The following DPAGT1 variants were observed in gnomAD, a reference collection of about 807,000 sequenced individuals.
DPAGT1 encodes dolichyl-phosphate N-acetylglucosaminephosphotransferase 1, also known as UDP-N-acetylglucosamine--dolichyl-phosphate N-acetylglucosaminephosphotransferase.
A neutral mutation model predicts 39.3 loss-of-function variants in DPAGT1; 25 were observed. The observed-to-expected ratio is 0.64, with a 90% CI of 0.46 to 0.89. The LOEUF (loss-of-function observed/expected upper bound fraction) is 0.89. DPAGT1 is among the 40% of genes least tolerant of loss of function. The pLI is 0.00. For missense variants in DPAGT1, 381 were observed against 500.6 expected (o/e 0.76, Z 2.28); for synonymous variants, 193 against 201.4 (o/e 0.96, Z 0.36).
At chr11:119,101,192 T>C in intron 1 of DPAGT1, 54 bp from the exon 2 acceptor site, 1 of 1,611,388 alleles carries the variant, frequency 6.2e-7, no homozygotes, top group Non-Finnish European at 8.5e-7. Flanking sequence ...GCGTGGTCAC[T>C]CACTAGTGCA....
chr11:119,094,774 C>CG, downstream of DPAGT1: 1 of 607,798 alleles, frequency 1.6e-6, no homozygotes, highest in Non-Finnish European at 2.7e-6. Flanking sequence ...GGGACGGGAG[C>CG]GGGGGCGGGC....
rs1156424752 is a variant in DPAGT1 at position 119,101,113 on chromosome 11, C to T, written c.187G>A (p.Gly63Ser). 6.2e-7 allele frequency: 1 copy of T among 1,614,104 alleles called. No homozygotes were observed. Residue 63 changes from glycine to serine, a missense_variant, in exon 2 of 9, where the codon GGT (glycine) becomes AGT (serine). Physicochemically the swap from Gly to Ser is moderately conservative, Grantham distance 56. Transcript: ENST00000354202. ...QIPESQGVISGAVFLIILFCF... is the reference protein window; with the variant it reads ...QIPESQGVISSAVFLIILFCF... Reference sequence around the variant, plus strand: ...AAGAGGATGATAAGGAAAACAGCACCGCTGATCACTCCCTGGGATTCTGGG... The same window carrying T: ...AAGAGGATGATAAGGAAAACAGCACTGCTGATCACTCCCTGGGATTCTGGG...
downstream of DPAGT1, among the ~76,000 whole-genome samples, chr11:119,095,931 A>C (rs1946384588): frequency 6.6e-6 from 1 of 152,104 alleles, no homozygotes; most frequent in African/African-American, 2.4e-5. Context: ...AAAGTGAAGA[A>C]ATTAGACCCC....
Position 119,097,513 on chromosome 11 carries a change from G to A in DPAGT1, c.956C>T (p.Ser319Phe), listed in dbSNP as rs2134899369. The change falls in exon 7 of 9, where the codon TCC becomes TTC. Residue 319 changes from serine to phenylalanine, a missense_variant. Physicochemically the swap from Ser to Phe is radical, Grantham distance 155 (BLOSUM62 -2). Coordinates refer to ENST00000354202, the MANE Select transcript of DPAGT1 (RefSeq NM_001382.4). The surrounding 1 kb of genome is among the most constrained non-coding windows in gnomAD (Gnocchi z 4.6). The stretch of plus-strand genomic sequence containing the variant: ...AGAGAGGCTCTTGGTCTTGAACTTG[G>A]AATAGCTCATCTCCAGTTTGCCTGT... Reference protein sequence around the residue: ...IKTGKLEMSYSKFKTKSLSFL... With the variant: ...IKTGKLEMSYFKFKTKSLSFL... 6.2e-7 allele frequency: 1 copy of A among 1,614,132 alleles called. No homozygotes were observed. The highest frequency in any genetic ancestry group is 8.5e-7 in the Non-Finnish European group (1 of 1,180,028).
downstream of DPAGT1, chr11:119,095,332 G>A (rs770845888): frequency 1.0e-5 from 16 of 1,601,256 alleles, no homozygotes; most frequent in Admixed American, 2.4e-4. Flanking sequence ...GGAGGCCGGC[G>A]CGCGACGAGC....
rs1224875937 is a variant in DPAGT1 at position 119,101,088 on chromosome 11, A to C, written c.212T>G (p.Phe71Cys). ...CAGGAAGGGGAAAGGGATGAAGCAG[A>C]AGAGGATGATAAGGAAAACAGCACC... Reference protein sequence around the residue: ...ISGAVFLIILFCFIPFPFLNC... With the variant: ...ISGAVFLIILCCFIPFPFLNC... Residue 71 changes from phenylalanine to cysteine, a missense_variant, in exon 2 of 9, where the codon TTC becomes TGC. Transcript: ENST00000354202. 1 of 1,614,060 alleles carries C rather than the reference A, an allele frequency of 6.2e-7. No individual in the cohort carries two copies. Among genetic ancestry groups the C allele is most frequent in the Non-Finnish European group, 8.5e-7 (1 of 1,180,048 alleles).
At position 119,101,096 on chromosome 11, in the gene DPAGT1, G is replaced by T; in HGVS notation, c.204C>A (p.Ile68=). 1.2e-6 allele frequency: 2 copies of T among 1,614,202 alleles called. No individual in the cohort carries two copies. Among genetic ancestry groups the T allele is most frequent in the Non-Finnish European group, 1.7e-6 (2 of 1,180,050 alleles). Reference sequence around the variant, plus strand: ...GGAAAGGGATGAAGCAGAAGAGGATGATAAGGAAAACAGCACCGCTGATCA... The same window carrying T: ...GGAAAGGGATGAAGCAGAAGAGGATTATAAGGAAAACAGCACCGCTGATCA... The part of the protein sequence containing the change: ...QGVISGAVFL[I]ILFCFIPFPF... Residue 68 remains isoleucine (I), a synonymous_variant, in exon 2 of 9, where the codon ATC becomes ATA. Transcript: ENST00000354202.
downstream of DPAGT1, chr11:119,095,148 G>A: frequency 6.2e-7 from 1 of 1,614,046 alleles, no homozygotes; most frequent in Non-Finnish European, 8.5e-7. Flanking sequence ...AGCTGCAGGT[G>A]GCGGGGGATG....
At position 119,097,324 on chromosome 11, in the gene DPAGT1, C is replaced by G. The variant is rs776863215; in HGVS notation, c.1006-27G>C. 3.7e-6 allele frequency: 6 copies of G among 1,614,110 alleles called. No individual in the cohort carries two copies. ...TGGAGGGACCAGAGGTGAAGAGAAC[C>G]TCAGCTAATACCTATGCTTTAGGAA... On this transcript the variant is annotated intron_variant, in intron 7 of 8. Transcript: ENST00000354202. This position sits in a 1 kb window ranked among gnomAD's most constrained non-coding sequence, Gnocchi z 4.6.
chr11:119,094,798 C>G (rs1946362280), downstream of DPAGT1: 3 of 738,484 alleles, frequency 4.1e-6, no homozygotes, highest in Non-Finnish European at 2.1e-6. Context: ...GACTCGAGGC[C>G]GGGCGGCGAA....
At chr11:119,098,296 A>G (rs781313727) in intron 5 of DPAGT1, 107 bp downstream of exon 5, 27 of 1,307,620 alleles carry the variant, frequency 2.1e-5, no homozygotes, top group Non-Finnish European at 2.8e-5. Flanking sequence ...AGAAAACTCC[A>G]TAGAGGTATG....
intron 4 of DPAGT1, among the ~76,000 whole-genome samples, chr11:119,099,059 G>A (rs148216208): frequency 3.3e-5 from 5 of 152,164 alleles, no homozygotes; most frequent in African/African-American, 4.8e-5. Flanking sequence ...TTGTAGTAGC[G>A]TTTGTTTTGG....
chr11:119,094,811 C>T, downstream of DPAGT1: 1 of 809,624 alleles, frequency 1.2e-6, no homozygotes, highest in Non-Finnish European at 1.8e-6. Flanking sequence ...GCGGCGAAGG[C>T]GGGCGAGGGG....
chr11:119,094,749 C>T, downstream of DPAGT1: 1 of 525,448 alleles, frequency 1.9e-6, no homozygotes, highest in Non-Finnish European at 3.2e-6. Context: ...CCGAGGCCGA[C>T]GCGGCAGGCG....
chr11:119,094,481 G>C (rs1386234897), downstream of DPAGT1: 1 of 152,460 alleles, frequency 6.6e-6, no homozygotes, highest in African/African-American at 2.4e-5. Context: ...CCGGCCTCTC[G>C]GCCTGGACTG....
chr11:119,097,037 G>A lies in DPAGT1; in HGVS notation c.1188C>T (p.Ser396=), dbSNP rs747073447. 2.2e-5 allele frequency: 36 copies of A among 1,614,070 alleles called. 1 individual carries two copies. The highest frequency in any genetic ancestry group is 1.8e-4 in the South Asian group (16 of 91,092). ...LQILGSAITF[S]IRYQLVRLFY... The stretch of plus-strand genomic sequence containing the variant: ...AGAGTCGAACGAGCTGATATCGAAT[G>A]GAGAAGGTGATGGCACTGCCCAGGA... The change falls in exon 9 of 9, where the codon TCC becomes TCT. Residue 396 remains serine (S), a synonymous_variant. Transcript: ENST00000354202. The surrounding 1 kb of genome is among the most constrained non-coding windows in gnomAD (Gnocchi z 4.6).
In DPAGT1 at chr11:119,100,715, G is replaced by A. The variant is rs1185920941; in HGVS notation, c.411C>T (p.Leu137=). ...LLPTAASLPL[L]MVYFTNFGNT... is the part of the protein sequence containing the mutation. ...TGCCAAAGTTGGTGAAATAGACCATGAGGAGAGGTAGTGAGGCAGCTGTAG... is the reference window on the plus strand; with the variant it reads ...TGCCAAAGTTGGTGAAATAGACCATAAGGAGAGGTAGTGAGGCAGCTGTAG... Residue 137 remains leucine (L), a synonymous_variant, in exon 3 of 9, where the codon CTC becomes CTT. Coordinates refer to ENST00000354202, the MANE Select transcript of DPAGT1 (RefSeq NM_001382.4). The A allele has an allele frequency of 1.2e-6, 2 of 1,614,190 alleles. No homozygotes were observed. Among genetic ancestry groups the A allele is most frequent in the Non-Finnish European group, 1.7e-6 (2 of 1,180,028 alleles).
rs1247549456 is a variant in DPAGT1 at position 119,097,029 on chromosome 11, T to C, written c.1196A>G (p.Tyr399Cys). ...ATCATAGAAGAGTCGAACGAGCTGA[T>C]ATCGAATGGAGAAGGTGATGGCACT... ...LGSAITFSIR[Y>C]QLVRLFYDV The change falls in exon 9 of 9, where the codon TAT (tyrosine) becomes TGT (cysteine). Residue 399 changes from tyrosine to cysteine, a missense_variant. Coordinates refer to ENST00000354202, the MANE Select transcript of DPAGT1 (RefSeq NM_001382.4). The surrounding 1 kb of genome is among the most constrained non-coding windows in gnomAD (Gnocchi z 4.6). 6.2e-7 allele frequency: 1 copy of C among 1,614,094 alleles called. No homozygotes were observed. The highest frequency in any genetic ancestry group is 8.5e-7 in the Non-Finnish European group (1 of 1,180,026).
At chr11:119,094,889 G>A, downstream of DPAGT1, 1 of 1,406,010 alleles carries the variant, frequency 7.1e-7, no homozygotes, top group East Asian at 2.4e-5. Flanking sequence ...TTTCCATGAG[G>A]GCGGTGGTGG....
Sources: allele counts gnomAD v4.1 joint callset (sites outside exome capture counted in the v4.1 genomes callset), GRCh38; gene constraint gnomAD v4.1.1; non-coding constraint Gnocchi (gnomAD v3.1); transcripts MANE v1.5; gene names NCBI Gene and HGNC (gene_info 2026-07-23, HGNC 2026-07-21).